The following N4BP1 variants were observed in gnomAD, a reference collection of about 807,000 sequenced individuals.
N4BP1 encodes NEDD4-binding protein 1.
A neutral mutation model predicts 70.9 loss-of-function variants in N4BP1; 21 were observed. That is an observed-to-expected ratio of 0.30 (90% confidence interval 0.21 to 0.43). N4BP1 has a LOEUF of 0.43. N4BP1 is among the 20% of genes least tolerant of loss of function. The pLI is 1.00. For synonymous variants in N4BP1, 387 were observed against 394.6 expected (o/e 0.98, Z 0.23); for missense variants, 936 against 1,069.4 (o/e 0.88, Z 1.74).
intron 1 of N4BP1, among the ~76,000 whole-genome samples, chr16:48,605,314 G>A (rs556454079): frequency 1.3e-5 from 2 of 152,274 alleles, no homozygotes; most frequent in South Asian, 4.2e-4. Flanking sequence ...ACACAGGCGT[G>A]AGCCACTGCG....
At chr16:48,609,491 G>A (rs1035048463) in intron 1 of N4BP1, among the ~76,000 whole-genome samples, 5 of 152,238 alleles carry the variant, frequency 3.3e-5, no homozygotes, top group African/African-American at 4.8e-5. Flanking sequence ...CACACGCTGT[G>A]CCTGCGCTTC....
intron 2 of N4BP1, among the ~76,000 whole-genome samples, chr16:48,558,832 A>C (rs1293814188): frequency 2.0e-5 from 3 of 152,176 alleles, no homozygotes; most frequent in Non-Finnish European, 2.9e-5. Flanking sequence ...CAGGGCTGCC[A>C]AAAAAACCAA....
chr16:48,565,692 G>A (rs983784160), intron 1 of N4BP1, among the ~76,000 whole-genome samples: 3 of 152,232 alleles, frequency 2.0e-5, no homozygotes, highest in Non-Finnish European at 4.4e-5. Context: ...AAGAGACTGT[G>A]TAGAATTGAT....
chr16:48,567,647 A>T (rs1963962813), intron 1 of N4BP1, among the ~76,000 whole-genome samples: 2 of 152,158 alleles, frequency 1.3e-5, no homozygotes, highest in South Asian at 2.1e-4. Context: ...ATATCTCTTC[A>T]TATAGTTTTT....
chr16:48,595,949 G>T (rs985841535), intron 1 of N4BP1, among the ~76,000 whole-genome samples: 2 of 152,138 alleles, frequency 1.3e-5, no homozygotes, highest in African/African-American at 4.8e-5. Flanking sequence ...CCATGGCTGG[G>T]CTTGGCTTTA....
chr16:48,589,017 T>C (rs769509106), intron 1 of N4BP1, among the ~76,000 whole-genome samples: 1 of 152,184 alleles, frequency 6.6e-6, no homozygotes, highest in Non-Finnish European at 1.5e-5. Flanking sequence ...TTGACATATT[T>C]ACATTAAATA....
At chr16:48,569,656 A>G (rs2151091956) in intron 1 of N4BP1, among the ~76,000 whole-genome samples, 1 of 152,330 alleles carries the variant, frequency 6.6e-6, no homozygotes, top group East Asian at 1.9e-4. Context: ...TTGGCCTCTC[A>G]AAGTGCTGGG....
In N4BP1 at chr16:48,610,037, C is replaced by T. The variant is rs1964661231; in HGVS notation, c.-65G>A. On this transcript the variant is annotated 5_prime_UTR_variant, in exon 1 of 7. Coordinates refer to ENST00000262384, the MANE Select transcript of N4BP1 (RefSeq NM_153029.4). ...GCGGCGACGCCCCCTCAGCTTGCTGCCGCTGCTCCCAAGCCAGTCAGGCGG... is the reference window on the plus strand; with the variant it reads ...GCGGCGACGCCCCCTCAGCTTGCTGTCGCTGCTCCCAAGCCAGTCAGGCGG... 3 of 946,388 alleles carry T rather than the reference C, an allele frequency of 3.2e-6. No individual in the cohort carries two copies. Among genetic ancestry groups the T allele is most frequent in the Admixed American group, 1.1e-4 (2 of 18,100 alleles). 58.6% of individuals were successfully genotyped at this position (946,388 alleles called of 1,614,324 possible).
rs560685370 is a variant in N4BP1, at chr16:48,588,729, A to G, written c.198+21046T>C. 3.3e-5 allele frequency among the ~76,000 whole-genome samples: 5 copies of G among 152,322 alleles called. No individual in the cohort carries two copies. The South Asian group carries it at 8.3e-4, about 25-fold the overall frequency. ...ATCCAAATTGGTGGCCACTAGTTACATGTGACCACTAGCACTTAATTTCAC... is the reference window on the plus strand; with the variant it reads ...ATCCAAATTGGTGGCCACTAGTTACGTGTGACCACTAGCACTTAATTTCAC... On this transcript the variant is annotated intron_variant, in intron 1 of 6. Coordinates refer to ENST00000262384, the MANE Select transcript of N4BP1 (RefSeq NM_153029.4).
intron 2 of N4BP1, among the ~76,000 whole-genome samples, chr16:48,557,537 G>A (rs987931672): frequency 1.3e-5 from 2 of 152,052 alleles, no homozygotes; most frequent in African/African-American, 4.8e-5. Context: ...TGGGTGATTC[G>A]GCTTTAAAAT....
At chr16:48,582,474 G>A (rs762545937) in intron 1 of N4BP1, among the ~76,000 whole-genome samples, 1 of 151,984 alleles carries the variant, frequency 6.6e-6, no homozygotes, top group Admixed American at 6.6e-5. Flanking sequence ...ACTTAATAAC[G>A]ATCCCAAAAT....
rs1480460955 is a variant in N4BP1 at position 48,542,609 on chromosome 16, CAT to C, written c.*293_*294del. The C allele has an allele frequency of 3.8e-6, 1 of 262,740 alleles. No individual in the cohort carries two copies. The highest frequency in any genetic ancestry group is 7.1e-6 in the Non-Finnish European group (1 of 141,316). The allele number at this position is 262,740 out of a possible 1,614,324, so 16.3% of individuals were successfully genotyped here. ...GCTTTAAGGAAAATAGTTTAAAAAACATAAAAAGGTAAATACACTCAAGAGTA... is the reference window on the plus strand; with the variant it reads ...GCTTTAAGGAAAATAGTTTAAAAAACAAAAAGGTAAATACACTCAAGAGTA... On this transcript the variant is annotated 3_prime_UTR_variant, in exon 7 of 7. Transcript: ENST00000262384.
Position 48,561,382 on chromosome 16 carries a change from G to A in N4BP1, c.1261C>T (p.Leu421Phe), listed in dbSNP as rs762461289. The change falls in exon 2 of 7, where the codon CTT (leucine) becomes TTT (phenylalanine). Residue 421 changes from leucine to phenylalanine, a missense_variant. Leu to Phe is a conservative substitution (Grantham distance 22). Coordinates refer to ENST00000262384, the MANE Select transcript of N4BP1 (RefSeq NM_153029.4). ...TTCTTTGGAGTGGAATCAGTTGTAA[G>A]CTCATTTGTGCTGCTATAAACACCT... Reference protein sequence around the residue: ...NKGVYSSTNELTTDSTPKKTQ... With the variant: ...NKGVYSSTNEFTTDSTPKKTQ... The A allele has an allele frequency of 6.2e-7, 1 of 1,613,916 alleles. No homozygotes were observed. Among genetic ancestry groups the A allele is most frequent in the Admixed American group, 1.7e-5 (1 of 60,000 alleles).
chr16:48,598,496 A>G (rs925869436), intron 1 of N4BP1, among the ~76,000 whole-genome samples: 8 of 152,202 alleles, frequency 5.3e-5, no homozygotes, highest in Admixed American at 2.0e-4. Context: ...GACTCCTCTC[A>G]GCAGGGTGGT....
intron 3 of N4BP1, among the ~76,000 whole-genome samples, chr16:48,552,751 G>GATCC (rs1269195163): frequency 1.8e-5 from 2 of 114,250 alleles, no homozygotes; most frequent in Non-Finnish European, 3.6e-5. Context: ...CTCCTTCAGG[G>GATCC]ATCCAATTGC....
Position 48,561,703 on chromosome 16 carries a change from T to C in N4BP1, c.940A>G (p.Lys314Glu), listed in dbSNP as rs764718933. 2 of 1,612,510 alleles carry C rather than the reference T, an allele frequency of 1.2e-6. No individual in the cohort carries two copies. The highest frequency in any genetic ancestry group is 1.7e-5 in the Admixed American group (1 of 59,992). Residue 314 changes from lysine to glutamate, a missense_variant, in exon 2 of 7, where the codon AAG (lysine) becomes GAG (glutamate). By Grantham distance (56) the Lys-to-Glu change is moderately conservative. Transcript: ENST00000262384. The part of the protein sequence containing the change: ...VQEGEILHDA[K>E]TLAGNVIADL... ...GCTATTACATTTCCAGCCAATGTCTTAGCATCGTGTAAAATCTCCCCCTCC... is the reference window on the plus strand; with the variant it reads ...GCTATTACATTTCCAGCCAATGTCTCAGCATCGTGTAAAATCTCCCCCTCC...
rs1963850024 is a variant in N4BP1 at position 48,561,185 on chromosome 16, G to T, written c.1458C>A (p.Asp486Glu). The T allele has an allele frequency of 2.5e-6, 4 of 1,613,990 alleles. No homozygotes were observed. In the East Asian group the frequency reaches 8.9e-5, roughly 36 times the overall value. Residue 486 changes from aspartate (D) to glutamate (E), a missense_variant, in exon 2 of 7, where the codon GAC (aspartate) becomes GAA (glutamate). Around this residue, in one of 4 missense-constraint regions of N4BP1, gnomAD observed 515 missense variants for 491.7 expected, o/e 1.05. Transcript: ENST00000262384. ...AAGGTGAAAGGCCATCAGTTTCAGG[G>T]TCTGTGTTACAAATGTAGTTCTGGT... Reference protein sequence around the residue: ...GSNQNYICNTDPETDGLSPSV... With the variant: ...GSNQNYICNTEPETDGLSPSV...
At chr16:48,547,079 G>A (rs922557968) in intron 5 of N4BP1, among the ~76,000 whole-genome samples, 1 of 152,108 alleles carries the variant, frequency 6.6e-6, no homozygotes, top group Non-Finnish European at 1.5e-5. Flanking sequence ...CTCTCACCTG[G>A]GCATTCATAA....
intron 1 of N4BP1, among the ~76,000 whole-genome samples, chr16:48,591,298 A>G (rs1035406368): frequency 6.9e-5 from 10 of 144,648 alleles, no homozygotes; most frequent in African/African-American, 2.3e-4. Context: ...TGAGGGTCCC[A>G]CCCCCACCCC....
Sources: allele counts gnomAD v4.1 joint callset (sites outside exome capture counted in the v4.1 genomes callset), GRCh38; gene constraint gnomAD v4.1.1; regional missense constraint gnomAD v4.1.1; transcripts MANE v1.5; gene names NCBI Gene and HGNC (gene_info 2026-07-23, HGNC 2026-07-21).